The following LHFPL3 variants were observed in gnomAD, a reference collection of about 807,000 sequenced individuals.
The protein encoded by LHFPL3 is LHFPL tetraspan subfamily member 3, also known as LHFPL tetraspan subfamily member 3 protein.
LHFPL3 carries 5 observed loss-of-function variants against 19.3 expected under a neutral mutation model. The observed-to-expected ratio is 0.26, with a 90% CI of 0.14 to 0.54. LHFPL3 has a LOEUF of 0.54. LHFPL3 is among the 20% of genes least tolerant of loss of function. The pLI is 0.94. For synonymous variants in LHFPL3, 133 were observed against 126.2 expected (o/e 1.05, Z -0.36); for missense variants, 249 against 307.4 (o/e 0.81, Z 1.42).
At chr7:104,437,502 C>T (rs1015516464) in intron 1 of LHFPL3, among the ~76,000 whole-genome samples, 2 of 152,116 alleles carry the variant, frequency 1.3e-5, no homozygotes, top group Admixed American at 6.5e-5. Flanking sequence ...TTAAGGTTTC[C>T]GTCCCACAAG....
intron 2 of LHFPL3, among the ~76,000 whole-genome samples, chr7:104,847,128 GC>G (rs1298642479): frequency 6.6e-6 from 1 of 152,212 alleles, no homozygotes; most frequent in Non-Finnish European, 1.5e-5. Flanking sequence ...GATGTGGCAA[GC>G]TCCGGTTTGG....
At chr7:104,432,908 G>C (rs1229882078) in intron 1 of LHFPL3, among the ~76,000 whole-genome samples, 1 of 152,086 alleles carries the variant, frequency 6.6e-6, no homozygotes, top group Admixed American at 6.6e-5. Flanking sequence ...CCTGAGATGT[G>C]AATGACCCTA....
At chr7:104,411,010 A>G (rs181194835) in intron 1 of LHFPL3, among the ~76,000 whole-genome samples, 76 of 152,330 alleles carry the variant, frequency 5.0e-4, no homozygotes, top group African/African-American at 1.8e-3. Context: ...ACCTCATCCT[A>G]TGATTTAAGC....
chr7:104,452,434 C>T (rs1792457976), intron 1 of LHFPL3, among the ~76,000 whole-genome samples: 1 of 152,076 alleles, frequency 6.6e-6, no homozygotes, highest in African/African-American at 2.4e-5. Flanking sequence ...GGATACATTC[C>T]TAGAAGTGGA....
At chr7:104,437,105 A>C (rs962712004) in intron 1 of LHFPL3, among the ~76,000 whole-genome samples, 2 of 152,220 alleles carry the variant, frequency 1.3e-5, no homozygotes, top group Non-Finnish European at 2.9e-5. Context: ...ATCACAGAGA[A>C]GTTAAGCTAA....
chr7:104,489,860 C>T (rs1020843715), intron 1 of LHFPL3, among the ~76,000 whole-genome samples: 2 of 152,110 alleles, frequency 1.3e-5, no homozygotes, highest in Admixed American at 6.6e-5. Context: ...TTTTATCTGG[C>T]GTGTGGCTGG....
intron 1 of LHFPL3, among the ~76,000 whole-genome samples, chr7:104,523,627 ATAG>A (rs1205981929): frequency 2.6e-5 from 4 of 152,142 alleles, no homozygotes; most frequent in Admixed American, 2.6e-4. Context: ...TAGTACACAT[ATAG>A]TCACTTAGAT....
chr7:104,337,448 A>G (rs1234831258), intron 1 of LHFPL3, among the ~76,000 whole-genome samples: 1 of 152,184 alleles, frequency 6.6e-6, no homozygotes, highest in Non-Finnish European at 1.5e-5. Flanking sequence ...CCAGTTTTTA[A>G]GAAAGAAAAA....
At chr7:104,400,136 A>G (rs1344943754) in intron 1 of LHFPL3, among the ~76,000 whole-genome samples, 2 of 137,386 alleles carry the variant, frequency 1.5e-5, no homozygotes, top group African/African-American at 5.6e-5. Flanking sequence ...AAAAAAAAAA[A>G]AAAAAAAAAA....
intron 1 of LHFPL3, among the ~76,000 whole-genome samples, chr7:104,611,542 C>T (rs1209398601): frequency 6.6e-6 from 1 of 152,056 alleles, no homozygotes; most frequent in Non-Finnish European, 1.5e-5. Context: ...GAGACTAGCC[C>T]CTGATGTTTA....
chr7:104,564,966 T>C (rs140781783), intron 1 of LHFPL3, among the ~76,000 whole-genome samples: 1,734 of 152,276 alleles, frequency 0.011, 32 homozygotes, highest in Middle Eastern at 0.02. Context: ...CAGCAACGAC[T>C]CTCCACTAGT....
At chr7:104,721,757 C>G (rs952529136) in intron 1 of LHFPL3, among the ~76,000 whole-genome samples, 6 of 152,158 alleles carry the variant, frequency 3.9e-5, no homozygotes, top group African/African-American at 1.4e-4. Context: ...AGGAAAAATT[C>G]CTCTTTGCAG....
At chr7:104,853,929 A>G (rs547694150) in intron 2 of LHFPL3, among the ~76,000 whole-genome samples, 3 of 152,316 alleles carry the variant, frequency 2.0e-5, no homozygotes, top group Non-Finnish European at 4.4e-5. Context: ...CTGTTTACCC[A>G]CCAGAGAAAA....
intron 1 of LHFPL3, among the ~76,000 whole-genome samples, chr7:104,463,557 C>T (rs1201491533): frequency 6.6e-6 from 1 of 152,172 alleles, no homozygotes; most frequent in African/African-American, 2.4e-5. Context: ...TTAATTGACT[C>T]ACAGTTTAGC....
At chr7:104,462,011 G>T (rs1792674116) in intron 1 of LHFPL3, among the ~76,000 whole-genome samples, 1 of 151,868 alleles carries the variant, frequency 6.6e-6, no homozygotes, top group African/African-American at 2.4e-5. Context: ...TATTTTCATG[G>T]CAATTGTGAA....
intron 1 of LHFPL3, among the ~76,000 whole-genome samples, chr7:104,730,863 G>A (rs918134976): frequency 1.3e-5 from 2 of 152,028 alleles, no homozygotes; most frequent in African/African-American, 2.4e-5. Context: ...TTCTTCTAGG[G>A]TTTTTATGGT....
intron 1 of LHFPL3, among the ~76,000 whole-genome samples, chr7:104,534,629 G>A (rs1204491152): frequency 6.6e-6 from 1 of 152,156 alleles, no homozygotes; most frequent in Non-Finnish European, 1.5e-5. Flanking sequence ...CTAATTCAAT[G>A]TATTCCTTTT....
intron 2 of LHFPL3, among the ~76,000 whole-genome samples, chr7:104,808,564 A>C (rs1419281770): frequency 2.6e-5 from 4 of 152,180 alleles, no homozygotes; most frequent in Non-Finnish European, 5.9e-5. Context: ...GAAACTCTCT[A>C]AAACTGGAGG....
intron 1 of LHFPL3, among the ~76,000 whole-genome samples, chr7:104,459,377 A>T (rs1792613033): frequency 6.6e-6 from 1 of 152,200 alleles, no homozygotes; most frequent in South Asian, 2.1e-4. Flanking sequence ...CCAAAATGAA[A>T]TTGTAACCTT....
Sources: allele counts gnomAD v4.1 joint callset (sites outside exome capture counted in the v4.1 genomes callset), GRCh38; gene constraint gnomAD v4.1.1; transcripts MANE v1.5; gene names NCBI Gene and HGNC (gene_info 2026-07-23, HGNC 2026-07-21).